Variants in ZNF536 observed in about 807,000 individuals in gnomAD.
ZNF536 encodes the protein zinc finger protein 536.
ZNF536 carries 13 observed loss-of-function variants against 84.5 expected under a neutral mutation model. The observed-to-expected ratio is 0.15, with a 90% CI of 0.10 to 0.24. The LOEUF is 0.24. ZNF536 is among the 10% of genes least tolerant of loss of function. The pLI, the probability that ZNF536 is intolerant of heterozygous loss-of-function variation, is 1.00. For missense variants in ZNF536, 1,536 were observed against 1,747.5 expected, an observed-to-expected ratio of 0.88 and a Z score of 2.16; for synonymous variants, 811 against 742.5, an observed-to-expected ratio of 1.09 and a Z score of -1.50.
chr19:30,629,427 C>G (rs1380290571), intron 1 of ZNF536, among the ~76,000 whole-genome samples: 1 of 152,066 alleles, frequency 6.6e-6, no homozygotes, highest in Non-Finnish European at 1.5e-5. Context: ...AACTCTTGGG[C>G]TCCAGCCATT....
intron 1 of ZNF536, among the ~76,000 whole-genome samples, chr19:30,602,164 G>T (rs1302376372): frequency 6.6e-6 from 1 of 152,234 alleles, no homozygotes; most frequent in African/African-American, 2.4e-5. Context: ...CAATGATGAG[G>T]AATAGGAAGG....
At chr19:30,577,031 A>G (rs943021996) in intron 1 of ZNF536, among the ~76,000 whole-genome samples, 6 of 152,230 alleles carry the variant, frequency 3.9e-5, no homozygotes, top group Non-Finnish European at 8.8e-5. Flanking sequence ...ACACCTTGAT[A>G]GGTTTTGCAA....
intron 1 of ZNF536, among the ~76,000 whole-genome samples, chr19:30,383,673 TTCCTTTC>T (rs2049123567): frequency 4.8e-5 from 1 of 20,866 alleles, no homozygotes; most frequent in Non-Finnish European, 9.5e-5. Flanking sequence ...TCTTTCTTTC[TTCCTTTC>T]TTCCTTCCTT....
intron 1 of ZNF536, among the ~76,000 whole-genome samples, chr19:30,570,422 C>G (rs1041589334): frequency 3.3e-5 from 5 of 152,152 alleles, no homozygotes; most frequent in African/African-American, 9.7e-5. Context: ...CGGGAGCCAG[C>G]CTTTTCTTCT....
At chr19:30,325,129 G>T (rs565632419) in intron 2 of ZNF536, among the ~76,000 whole-genome samples, 1 of 152,240 alleles carries the variant, frequency 6.6e-6, no homozygotes, top group South Asian at 2.1e-4. Context: ...TGATAGCCAG[G>T]CTGGAAAGGG....
intron 1 of ZNF536, among the ~76,000 whole-genome samples, chr19:30,648,915 C>T (rs1039933777): frequency 1.3e-5 from 2 of 152,164 alleles, no homozygotes; most frequent in Non-Finnish European, 2.9e-5. Flanking sequence ...TGATGATAAA[C>T]GGGTGGGCCC....
intron 1 of ZNF536, among the ~76,000 whole-genome samples, chr19:30,229,571 T>TTGG (rs1555770100): frequency 6.6e-6 from 1 of 151,378 alleles, no homozygotes; most frequent in East Asian, 2.0e-4. Context: ...CTGCGGGTGG[T>TTGG]GGGGGGGGCT....
intron 1 of ZNF536, among the ~76,000 whole-genome samples, chr19:30,693,572 C>T (rs1285580543): frequency 6.8e-6 from 1 of 146,308 alleles, no homozygotes; most frequent in East Asian, 2.1e-4. Flanking sequence ...AGGCTCATTT[C>T]CTTTGTGACT....
chr19:30,369,163 A>G (rs1026460436), upstream of ZNF536, among the ~76,000 whole-genome samples: 4 of 152,226 alleles, frequency 2.6e-5, no homozygotes, highest in Admixed American at 2.0e-4. Flanking sequence ...TATGTGATCT[A>G]TAATGAGTTT....
intron 1 of ZNF536, among the ~76,000 whole-genome samples, 167 bp from the exon 2 acceptor site, chr19:30,443,394 A>G (rs1053319135): frequency 1.3e-5 from 2 of 152,250 alleles, no homozygotes; most frequent in African/African-American, 4.8e-5. Flanking sequence ...ATATTGCATA[A>G]TTGGCATTTA....
chr19:30,423,883 G>A (rs956032045), intron 1 of ZNF536, among the ~76,000 whole-genome samples: 4 of 152,152 alleles, frequency 2.6e-5, no homozygotes, highest in African/African-American at 9.7e-5. Flanking sequence ...TAATATGATG[G>A]GGATTTCAGG....
chr19:30,432,283 G>A (rs2051507282), intron 1 of ZNF536, among the ~76,000 whole-genome samples: 1 of 152,122 alleles, frequency 6.6e-6, no homozygotes, highest in African/African-American at 2.4e-5. Flanking sequence ...TCTCCGGCAT[G>A]GTGACTGATC....
In ZNF536 at chr19:30,631,852, A is replaced by G. The variant is rs147558790; in HGVS notation, c.170-78905A>G. ...CATCAGAGAGCACTCGAGGATTAAT[A>G]TGGGGGAGTTTTCATCACCAGAGAG... On this transcript the variant is annotated intron_variant, in intron 1 of 1. Coordinates refer to the ZNF536 transcript ENST00000592773. 3.9e-3 allele frequency among the ~76,000 whole-genome samples: 600 copies of G among 152,312 alleles called. 5 individuals are homozygous for G. Among genetic ancestry groups the G allele is most frequent in the Non-Finnish European group, 6.4e-3 (438 of 68,030 alleles).
intron 1 of ZNF536, among the ~76,000 whole-genome samples, chr19:30,651,942 C>T (rs1023318397): frequency 2.6e-5 from 4 of 152,206 alleles, no homozygotes; most frequent in African/African-American, 9.6e-5. Context: ...ATGCTAAGAG[C>T]TGGTTACAAG....
At chr19:30,306,942 G>A (rs1053882791) in intron 2 of ZNF536, among the ~76,000 whole-genome samples, 2 of 152,130 alleles carry the variant, frequency 1.3e-5, no homozygotes, top group African/African-American at 4.8e-5. Context: ...AGTATGTAAA[G>A]AACATCAGTA....
intron 1 of ZNF536, among the ~76,000 whole-genome samples, chr19:30,280,854 C>G (rs1478784343): frequency 7.9e-5 from 12 of 152,218 alleles, no homozygotes; most frequent in Non-Finnish European, 1.8e-4. Context: ...GGTGCCTCAT[C>G]CCCTGTGGGG....
rs186935852 is a variant in ZNF536 at position 30,442,147 on chromosome 19, C to T, written c.-2-1414C>T. The stretch of plus-strand genomic sequence containing the variant: ...TCCAATGGCAGGAAACAAATTTGGA[C>T]TCCTTCAGGTGGGAGACATAGCTGG... On this transcript the variant is annotated intron_variant, in intron 1 of 4. Coordinates refer to ENST00000355537, the MANE Select transcript of ZNF536 (RefSeq NM_014717.3). Among the ~76,000 whole-genome samples, 293 of 152,342 alleles carry T rather than the reference C, an allele frequency of 1.9e-3. 3 individuals carry two copies. The highest frequency in any genetic ancestry group is 6.7e-3 in the African/African-American group (277 of 41,582).
chr19:30,675,099 T>A (rs897163648), intron 1 of ZNF536, among the ~76,000 whole-genome samples: 1 of 152,190 alleles, frequency 6.6e-6, no homozygotes, highest in Non-Finnish European at 1.5e-5. Context: ...TTCTCTGGCT[T>A]TCATTCCTGT....
At chr19:30,421,208 CT>C (rs906194628) in intron 1 of ZNF536, among the ~76,000 whole-genome samples, 27 of 151,916 alleles carry the variant, frequency 1.8e-4, no homozygotes, top group African/African-American at 6.3e-4. Context: ...TTTAAAATTA[CT>C]TTTTTTTCTT....
Sources: gnomAD v4.1 joint callset for allele counts (sites outside exome capture counted in the v4.1 genomes callset) on GRCh38, gnomAD v4.1.1 for gene constraint, MANE v1.5 for transcripts, NCBI Gene and HGNC (gene_info 2026-07-23, HGNC 2026-07-21) for gene names.